The following CCDC125 variants were observed in gnomAD, a reference collection of about 807,000 sequenced individuals.
CCDC125 encodes the protein coiled-coil domain containing 125.
Under a neutral mutation model 57.4 loss-of-function variants are expected in CCDC125, and 43 were observed. The ratio of observed to expected loss-of-function variants is 0.75; its 90% CI spans 0.59 to 0.97. The LOEUF (loss-of-function observed/expected upper bound fraction) is 0.97, where lower values mean the gene tolerates loss of function less well. CCDC125 is among the 50% of genes least tolerant of loss of function. CCDC125 has a pLI of 0.00. For missense variants in CCDC125, 563 were observed against 595.7 expected (o/e 0.95, Z 0.57); for synonymous variants, 187 against 195.2 (o/e 0.96, Z 0.35).
chr5:69,311,891 T>C (rs1758220168), intron 3 of CCDC125, among the ~76,000 whole-genome samples: 1 of 152,020 alleles, frequency 6.6e-6, no homozygotes, highest in Admixed American at 6.5e-5. Context: ...GTGCCACTAC[T>C]GCCCAGCTAA....
downstream of CCDC125, chr5:69,276,957 A>C: frequency 1.4e-6 from 1 of 701,340 alleles, no homozygotes; most frequent in South Asian, 2.1e-5. Flanking sequence ...TCTGTAAACT[A>C]CATGCTAAAT....
At chr5:69,308,428 C>T (rs1181449846) in intron 4 of CCDC125, 7 of 232,566 alleles carry the variant, frequency 3.0e-5, no homozygotes, top group African/African-American at 6.7e-5. Flanking sequence ...TTTCCCCATA[C>T]TGTTCTCATG....
At chr5:69,288,295 A>G (rs1000537827) in intron 10 of CCDC125, among the ~76,000 whole-genome samples, 3 of 152,136 alleles carry the variant, frequency 2.0e-5, no homozygotes, top group Non-Finnish European at 4.4e-5. Context: ...AGGGGAACCA[A>G]TCTTGTGATT....
chr5:69,317,235 T>G (rs1369536527), intron 2 of CCDC125, among the ~76,000 whole-genome samples: 3 of 152,112 alleles, frequency 2.0e-5, no homozygotes, highest in Admixed American at 6.6e-5. Context: ...GGTCTCAAAC[T>G]CCTGACCTCA....
At chr5:69,314,073 T>C in intron 2 of CCDC125, 27 bp from the exon 3 acceptor site, 3 of 1,509,586 alleles carry the variant, frequency 2.0e-6, no homozygotes, top group Non-Finnish European at 2.8e-6. Flanking sequence ...AAAGAATCTA[T>C]TAGGGGAAAA....
At chr5:69,290,265 C>A (rs1451740862) in intron 10 of CCDC125, among the ~76,000 whole-genome samples, 1 of 151,488 alleles carries the variant, frequency 6.6e-6, no homozygotes, top group Admixed American at 6.6e-5. Context: ...TGGCTATCTA[C>A]TATAAAGCTT....
At chr5:69,324,965 AG>A (rs1760542010) in intron 1 of CCDC125, among the ~76,000 whole-genome samples, 1 of 152,252 alleles carries the variant, frequency 6.6e-6, no homozygotes, top group Non-Finnish European at 1.5e-5. Flanking sequence ...ATGACCACAA[AG>A]GGCATGAGGG....
chr5:69,276,645 C>A (rs1413749534), downstream of CCDC125: 2 of 1,614,002 alleles, frequency 1.2e-6, no homozygotes, highest in Middle Eastern at 1.6e-4. Context: ...GCAATCAAAT[C>A]CAGCTTTGGC....
intron 3 of CCDC125, among the ~76,000 whole-genome samples, chr5:69,311,668 T>C (rs575154416): frequency 1.3e-4 from 20 of 148,216 alleles, no homozygotes; most frequent in African/African-American, 5.0e-4. Context: ...AAATAAAAAA[T>C]AGCTGGGCAT....
At chr5:69,310,633 A>G (rs1354241079) in intron 4 of CCDC125, 1 of 155,148 alleles carries the variant, frequency 6.4e-6, no homozygotes, top group Non-Finnish European at 1.4e-5. Context: ...GTGCATCTAC[A>G]CAATGGAGTA....
Position 69,294,859 on chromosome 5 carries a change from C to CCTGAA in CCDC125, c.857_858insTTCAG (p.Asn287SerfsTer37). On this transcript the variant is annotated frameshift_variant, in exon 9 of 12. Transcript: ENST00000396496. LOFTEE classifies it high-confidence loss of function. ...CCATTCTGGCACAAGAACAGGGGTT[C>CCTGAA]CCTCCGGGCCCATGACAAAGGCAGG... 6.2e-7 allele frequency: 1 copy of CCTGAA among 1,614,140 alleles called. No individual in the cohort carries two copies. Among genetic ancestry groups the CCTGAA allele is most frequent in the South Asian group, 1.1e-5 (1 of 91,072 alleles).
chr5:69,290,280 T>TTTATTATTATTA (rs776480974), intron 10 of CCDC125, among the ~76,000 whole-genome samples: 68 of 150,852 alleles, frequency 4.5e-4, no homozygotes, highest in African/African-American at 1.6e-3. Context: ...AAGCTTTCAT[T>TTTATTATTATTA]TTATTATTAT....
Position 69,313,734 on chromosome 5 carries a change from T to C in CCDC125, c.366+251A>G, listed in dbSNP as rs570252553. ...CTCCTTGCCCTCCCCTTCAGGATGATGTTCTTCTTGTCTTCACTCAGGCGG... is the reference window on the plus strand; with the variant it reads ...CTCCTTGCCCTCCCCTTCAGGATGACGTTCTTCTTGTCTTCACTCAGGCGG... On this transcript the variant is annotated intron_variant, in intron 3 of 11. Transcript: ENST00000396496. 59 of 776,452 alleles carry C rather than the reference T, an allele frequency of 7.6e-5. No individual in the cohort carries two copies. In the African/African-American group the frequency reaches 8.8e-4, roughly 12 times the overall value. 48.1% of individuals were successfully genotyped at this position (776,452 alleles called of 1,614,324 possible). A position where few individuals can be genotyped will look rare whatever the true frequency, so the allele number is the denominator to read the frequency against.
intron 1 of CCDC125, among the ~76,000 whole-genome samples, chr5:69,331,480 C>G (rs1423671543): frequency 6.6e-6 from 1 of 151,954 alleles, no homozygotes; most frequent in Non-Finnish European, 1.5e-5. Flanking sequence ...GATCTGCTCA[C>G]CGGTCTCCCA....
downstream of CCDC125, among the ~76,000 whole-genome samples, chr5:69,275,282 A>G (rs868550656): frequency 2.0e-5 from 3 of 152,204 alleles, no homozygotes; most frequent in South Asian, 4.1e-4. Flanking sequence ...TCCATTTGCA[A>G]TGGATTGTTG....
At chr5:69,328,621 G>T (rs1312468988) in intron 1 of CCDC125, among the ~76,000 whole-genome samples, 1 of 151,964 alleles carries the variant, frequency 6.6e-6, no homozygotes, top group African/African-American at 2.4e-5. Context: ...AAGATTAGAA[G>T]AAAAACAAAA....
At position 69,295,945 on chromosome 5, in the gene CCDC125, G is replaced by A. The variant is rs950314158; in HGVS notation, c.817-1045C>T. Among the ~76,000 whole-genome samples the A allele has an allele frequency of 6.0e-5, 9 of 149,916 alleles. No homozygotes were observed. The South Asian group carries it at 6.3e-4, about 11-fold the overall frequency. ...GTCACCCAGGCTGGAGTGCAGTGGC[G>A]CGATCTCGGCTCACTGCAAGCTCTG... On this transcript the variant is annotated intron_variant, in intron 8 of 11. Coordinates refer to ENST00000396496, the MANE Select transcript of CCDC125 (RefSeq NM_176816.5).
chr5:69,291,306 C>T (rs1443046377), intron 10 of CCDC125, among the ~76,000 whole-genome samples: 6 of 151,886 alleles, frequency 4.0e-5, no homozygotes, highest in Admixed American at 3.9e-4. Context: ...TACTTCAATT[C>T]TCTCATGCTA....
chr5:69,298,174 C>T (rs1219280120), intron 8 of CCDC125, among the ~76,000 whole-genome samples: 3 of 151,874 alleles, frequency 2.0e-5, no homozygotes, highest in Non-Finnish European at 4.4e-5. Context: ...CGCCACTACG[C>T]CCAGCTAATT....
Sources: gnomAD v4.1 joint callset for allele counts (sites outside exome capture counted in the v4.1 genomes callset) on GRCh38, gnomAD v4.1.1 for gene constraint, MANE v1.5 for transcripts, NCBI Gene and HGNC (gene_info 2026-07-23, HGNC 2026-07-21) for gene names.